FGL1: variants seen among roughly 807,000 people sequenced by gnomAD.
FGL1 encodes the protein fibrinogen like 1.
FGL1 carries 59 observed loss-of-function variants against 43.7 expected under a neutral mutation model. The ratio of observed to expected loss-of-function variants is 1.35; its 90% confidence interval spans 1.10 to 1.68. The LOEUF is 1.68. FGL1 is among the 40% of genes most tolerant of loss of function. The probability of loss-of-function intolerance (pLI) is 0.00; values close to 1 mark genes in which losing one functional copy is unlikely to be tolerated. For synonymous variants in FGL1, 192 were observed against 126.5 expected, an observed-to-expected ratio of 1.52 and a Z score of -3.48; for missense variants, 596 against 373.0, an observed-to-expected ratio of 1.60 and a Z score of -4.92.
intron 1 of FGL1, among the ~76,000 whole-genome samples, chr8:17,889,537 G>A (rs907291328): frequency 6.6e-6 from 1 of 152,070 alleles, no homozygotes; most frequent in Non-Finnish European, 1.5e-5. Context: ...GTGACAGAGC[G>A]ACACTCCACC....
intron 1 of FGL1, 63 bp from the exon 2 acceptor site, chr8:17,885,634 C>A: frequency 7.2e-7 from 1 of 1,393,810 alleles, no homozygotes; most frequent in South Asian, 1.2e-5. Flanking sequence ...GACCAGAGTT[C>A]AGACTTCAGT....
chr8:17,874,332 A>C (rs1323001750), intron 4 of FGL1, 30 bp downstream of exon 4: 1 of 1,596,586 alleles, frequency 6.3e-7, no homozygotes, highest in Non-Finnish European at 8.5e-7. Context: ...TTGCTGCTAC[A>C]TATAAAGTCT....
intron 5 of FGL1, among the ~76,000 whole-genome samples, chr8:17,870,723 T>A (rs968189105): frequency 6.6e-6 from 1 of 152,094 alleles, no homozygotes; most frequent in African/African-American, 2.4e-5. Flanking sequence ...CTGGCCAACA[T>A]GGTGAAACCC....
At position 17,895,511 on chromosome 8, in the gene FGL1, C is replaced by T. The variant is rs760075006; in HGVS notation, c.-82G>A. ...ATCCAGACACTCTGCTTCCCAGGAT[C>T]CTGTAACTGCATTGGGAATTTGTAA... On this transcript the variant is annotated 5_prime_UTR_variant, in exon 1 of 8. Coordinates refer to ENST00000427924, the MANE Select transcript of FGL1 (RefSeq NM_004467.4). The T allele has an allele frequency of 7.7e-5, 99 of 1,287,188 alleles. 1 individual carries two copies. The highest frequency in any genetic ancestry group is 9.5e-5 in the Non-Finnish European group (94 of 987,048). The allele number at this position is 1,287,188 out of a possible 1,614,324, so 79.7% of individuals were successfully genotyped here.
At chr8:17,887,163 C>T (rs1339610119) in intron 1 of FGL1, among the ~76,000 whole-genome samples, 1 of 152,144 alleles carries the variant, frequency 6.6e-6, no homozygotes, top group East Asian at 1.9e-4. Context: ...ACCGGCTCTA[C>T]ACTCTTCCTA....
intron 2 of FGL1, among the ~76,000 whole-genome samples, chr8:17,884,309 A>T (rs2053597009): frequency 1.3e-5 from 2 of 152,014 alleles, no homozygotes; most frequent in South Asian, 4.2e-4. Flanking sequence ...CTTGTGCTTC[A>T]TCCTGGCAAG....
rs141323626 is a variant in FGL1, at chr8:17,864,703, C to A, written c.828G>T (p.Thr276=). ...LNGVYYSGPY[T]AKTDNGIVWY... ...AGACAATCCCATTGTCTGTTTTAGCCGTGTAGGGGCCGCTGTAGTATACAC... is the reference window on the plus strand; with the variant it reads ...AGACAATCCCATTGTCTGTTTTAGCAGTGTAGGGGCCGCTGTAGTATACAC... Residue 276 remains threonine (T), a synonymous_variant, in exon 8 of 8, where the codon ACG becomes ACT. Coordinates refer to ENST00000427924, the MANE Select transcript of FGL1 (RefSeq NM_004467.4). The A allele has an allele frequency of 3.7e-6, 6 of 1,612,776 alleles. No homozygotes were observed. The highest frequency in any genetic ancestry group is 1.7e-4 in the Middle Eastern group (1 of 6,050).
intron 2 of FGL1, among the ~76,000 whole-genome samples, chr8:17,884,279 C>A (rs547926201): frequency 1.3e-5 from 2 of 152,046 alleles, no homozygotes; most frequent in South Asian, 4.2e-4. Flanking sequence ...GCAACCTCTG[C>A]CTCTCTGGTT....
Position 17,870,532 on chromosome 8 carries a change from T to G in FGL1, c.503-1528A>C, listed in dbSNP as rs34663815. Among the ~76,000 whole-genome samples, 3 of 152,132 alleles carry G rather than the reference T, an allele frequency of 2.0e-5. No individual in the cohort carries two copies. The East Asian group carries it at 5.8e-4, about 29-fold the overall frequency. On this transcript the variant is annotated intron_variant, in intron 5 of 7. Coordinates refer to ENST00000427924, the MANE Select transcript of FGL1 (RefSeq NM_004467.4). The stretch of plus-strand genomic sequence containing the variant: ...ACCATGGAGGCACTGGGAAAGAGAG[T>G]CCCTGAATAGTCCTATCACCTAGGC...
intron 5 of FGL1, among the ~76,000 whole-genome samples, chr8:17,869,395 A>C (rs751829379): frequency 1.2e-4 from 18 of 152,224 alleles, no homozygotes; most frequent in Non-Finnish European, 2.9e-5. Context: ...GATCTTGAAT[A>C]TAAATGGTGG....
intron 3 of FGL1, among the ~76,000 whole-genome samples, chr8:17,880,204 G>C (rs1452180207): frequency 6.6e-6 from 1 of 152,156 alleles, no homozygotes; most frequent in Non-Finnish European, 1.5e-5. Flanking sequence ...GGGCCAGAGG[G>C]AGGGCAGTTG....
chr8:17,866,246 G>T (rs1189990930), intron 7 of FGL1, among the ~76,000 whole-genome samples: 5 of 152,190 alleles, frequency 3.3e-5, no homozygotes, highest in Non-Finnish European at 4.4e-5. Flanking sequence ...TAGGTTAGGG[G>T]ATGATTGGGT....
chr8:17,880,494 G>A (rs2517318), intron 3 of FGL1, among the ~76,000 whole-genome samples: 33,038 of 152,062 alleles, frequency 0.22, 5,358 homozygotes, highest in African/African-American at 0.46. Context: ...TCAAATAGGT[G>A]TCCGAATTTA....
chr8:17,888,268 G>A (rs967197173), intron 1 of FGL1, among the ~76,000 whole-genome samples: 34 of 152,102 alleles, frequency 2.2e-4, no homozygotes, highest in Non-Finnish European at 4.4e-5. Context: ...AACAGAAGTC[G>A]TGACCAAATT....
chr8:17,873,380 C>A (rs911771809), intron 5 of FGL1, among the ~76,000 whole-genome samples: 1 of 152,064 alleles, frequency 6.6e-6, no homozygotes, highest in Admixed American at 6.6e-5. Flanking sequence ...TCCTTCCATC[C>A]CAGAGCAGCA....
chr8:17,868,899 T>C lies in FGL1; in HGVS notation c.591+17A>G. On this transcript the variant is annotated intron_variant, in intron 6 of 7. Coordinates refer to ENST00000427924, the MANE Select transcript of FGL1 (RefSeq NM_004467.4). ...AAGCATTTATTCACGGTTTTACTTC[T>C]TAGAAAATTGTAGTACCTTTTCATC... 1 of 1,565,398 alleles carries C rather than the reference T, an allele frequency of 6.4e-7. No homozygotes were observed. The highest frequency in any genetic ancestry group is 8.7e-7 in the Non-Finnish European group (1 of 1,152,242).
At chr8:17,891,547 G>C (rs1374243134) in intron 1 of FGL1, 2 of 293,642 alleles carry the variant, frequency 6.8e-6, no homozygotes, top group East Asian at 3.5e-4. Context: ...CATGTACAAA[G>C]ACCCTATTTG....
chr8:17,880,766 G>A (rs1181460139), intron 3 of FGL1, among the ~76,000 whole-genome samples: 2 of 152,086 alleles, frequency 1.3e-5, no homozygotes, highest in South Asian at 2.1e-4. Flanking sequence ...GACAATCGTC[G>A]TTTACTCTAA....
At chr8:17,888,642 C>T (rs1477425807) in intron 1 of FGL1, among the ~76,000 whole-genome samples, 2 of 152,088 alleles carry the variant, frequency 1.3e-5, no homozygotes, top group Admixed American at 6.6e-5. Context: ...TCCTTGGGAA[C>T]ACTCCTTATT....
Sources: allele counts gnomAD v4.1 joint callset (sites outside exome capture counted in the v4.1 genomes callset), GRCh38; gene constraint gnomAD v4.1.1; transcripts MANE v1.5; gene names NCBI Gene and HGNC (gene_info 2026-07-23, HGNC 2026-07-21).